The following FAM120B variants were observed in gnomAD, a reference collection of about 807,000 sequenced individuals.
FAM120B encodes the protein constitutive coactivator of peroxisome proliferator-activated receptor gamma.
Under a neutral mutation model 96.3 loss-of-function variants are expected in FAM120B, and 83 were observed. That is an observed-to-expected ratio of 0.86 (90% CI 0.72 to 1.03). FAM120B has a LOEUF of 1.03. FAM120B is among the 50% of genes least tolerant of loss of function. FAM120B has a pLI of 0.00. For synonymous variants in FAM120B, 407 were observed against 402.7 expected (o/e 1.01, Z -0.13); for missense variants, 1,027 against 1,121.2 (o/e 0.92, Z 1.20).
chr6:170,364,249 G>A (rs1452489658), intron 6 of FAM120B, among the ~76,000 whole-genome samples: 3 of 152,118 alleles, frequency 2.0e-5, no homozygotes. Flanking sequence ...TTGAGCCTGC[G>A]ATGTCCCTTT....
chr6:170,322,992 A>G (rs1785390601), intron 2 of FAM120B, 87 bp from the exon 3 acceptor site: 1 of 1,134,636 alleles, frequency 8.8e-7, no homozygotes, highest in Non-Finnish European at 1.2e-6. Context: ...AAAAACTGGC[A>G]TATGATGAAA....
At chr6:170,346,565 GTC>G (rs778292522) in intron 4 of FAM120B, among the ~76,000 whole-genome samples, 1 of 152,162 alleles carries the variant, frequency 6.6e-6, no homozygotes, top group Non-Finnish European at 1.5e-5. Context: ...AGGCCACATG[GTC>G]TCTGTTACTT....
upstream of FAM120B, among the ~76,000 whole-genome samples, chr6:170,292,939 C>T (rs1484905382): frequency 6.6e-6 from 1 of 152,192 alleles, no homozygotes; most frequent in East Asian, 1.9e-4. The surrounding 1 kb of genome is among the most constrained non-coding windows in gnomAD (Gnocchi z 6.6). Context: ...CGTGAACCCC[C>T]TACTGTTTGG....
chr6:170,374,037 A>T (rs570658149), intron 6 of FAM120B, among the ~76,000 whole-genome samples: 1 of 152,168 alleles, frequency 6.6e-6, no homozygotes, highest in African/African-American at 2.4e-5. Context: ...TTCTACCTGG[A>T]TTTTTTACCC....
At chr6:170,375,333 CTG>C (rs1312422988) in intron 6 of FAM120B, among the ~76,000 whole-genome samples, 8 of 152,216 alleles carry the variant, frequency 5.3e-5, no homozygotes, top group Admixed American at 1.3e-4. Flanking sequence ...TGGAAACTGA[CTG>C]TTGGCAAAAC....
In FAM120B at chr6:170,363,776, T is replaced by G. The variant is rs1021542110; in HGVS notation, c.2283+5458T>G. The stretch of plus-strand genomic sequence containing the variant: ...TTATTAAACATCATGTTTTATTTTG[T>G]TTTTTTTAGACAGAGTCTCACCCTG... On this transcript the variant is annotated intron_variant, in intron 6 of 10. Coordinates refer to ENST00000476287, the MANE Select transcript of FAM120B (RefSeq NM_032448.3). This position sits in a 1 kb window ranked among gnomAD's most constrained non-coding sequence, Gnocchi z 4.5. Among the ~76,000 whole-genome samples, 9 of 151,402 alleles carry G rather than the reference T, an allele frequency of 5.9e-5. No individual in the cohort carries two copies. The highest frequency in any genetic ancestry group is 1.7e-4 in the African/African-American group (7 of 41,354).
intron 6 of FAM120B, among the ~76,000 whole-genome samples, chr6:170,378,426 C>T (rs1789705689): frequency 6.6e-6 from 1 of 152,208 alleles, no homozygotes; most frequent in Admixed American, 6.5e-5. Flanking sequence ...TTCACCATCA[C>T]CCCTCCCTGA....
intron 2 of FAM120B, among the ~76,000 whole-genome samples, chr6:170,320,670 C>T (rs7742195): frequency 3.3e-5 from 5 of 152,210 alleles, no homozygotes; most frequent in East Asian, 3.9e-4. Context: ...CACATGTTCT[C>T]GTAGTGAAAT....
At position 170,405,229 on chromosome 6, in the gene FAM120B, T is replaced by TA. The variant is rs1778765323; in HGVS notation, c.*479dup. ...CCTGAGACTGGATAGTATGGAATCC[T>TA]ACATATCTATACCTTGGCTTTTTCC... On this transcript the variant is annotated 3_prime_UTR_variant, in exon 11 of 11. Transcript: ENST00000476287. The TA allele has an allele frequency of 6.6e-6, 1 of 152,474 alleles. No individual in the cohort carries two copies. Among genetic ancestry groups the TA allele is most frequent in the African/African-American group, 2.4e-5 (1 of 41,462 alleles). 9.4% of individuals were successfully genotyped at this position (152,474 alleles called of 1,614,324 possible).
rs2115140999 is a variant in FAM120B at position 170,348,281 on chromosome 6, A to G, written c.2148A>G (p.Pro716=). The G allele has an allele frequency of 6.2e-7, 1 of 1,613,744 alleles. No individual in the cohort carries two copies. The highest frequency in any genetic ancestry group is 8.5e-7 in the Non-Finnish European group (1 of 1,179,900). The change falls in exon 5 of 11, where the codon CCA becomes CCG. Residue 716 remains proline (P), a synonymous_variant. Coordinates refer to ENST00000476287, the MANE Select transcript of FAM120B (RefSeq NM_032448.3). ...AAGAGCTGCAGGCTGTCGAAAGCCC[A>G]TTTCAAGCTTTGTGCTGCCTCTTGA... ...SREELQAVES[P]FQALCCLLIY... is the part of the protein sequence containing the mutation.
At chr6:170,342,561 C>T (rs868791835) in intron 4 of FAM120B, among the ~76,000 whole-genome samples, 1 of 152,204 alleles carries the variant, frequency 6.6e-6, no homozygotes, top group Admixed American at 6.5e-5. Context: ...ACAACTCTCC[C>T]CCAGGGGCCA....
chr6:170,311,527 C>T (rs1020717893), intron 1 of FAM120B, among the ~76,000 whole-genome samples: 10 of 152,370 alleles, frequency 6.6e-5, no homozygotes, highest in African/African-American at 2.4e-4. Context: ...CTCATGCCTT[C>T]CTCTGGCCAC....
intron 4 of FAM120B, among the ~76,000 whole-genome samples, chr6:170,333,265 C>T (rs1006412064): frequency 2.1e-5 from 3 of 145,454 alleles, no homozygotes; most frequent in African/African-American, 5.1e-5. Flanking sequence ...AGATGGGATT[C>T]CTGCCCTTAT....
intron 3 of FAM120B, among the ~76,000 whole-genome samples, chr6:170,328,753 C>T (rs1464278681): frequency 6.6e-6 from 1 of 152,178 alleles, no homozygotes; most frequent in East Asian, 1.9e-4. Flanking sequence ...CATTTGTTGA[C>T]TTCCTCCTAC....
chr6:170,400,843 G>T (rs539378720), intron 9 of FAM120B, among the ~76,000 whole-genome samples: 1 of 152,306 alleles, frequency 6.6e-6, no homozygotes, highest in Admixed American at 6.5e-5. Context: ...GGCCTGGCGG[G>T]AGCAGAGCCA....
At chr6:170,393,022 C>T (rs1562596197) in intron 8 of FAM120B, among the ~76,000 whole-genome samples, 1 of 152,068 alleles carries the variant, frequency 6.6e-6, no homozygotes, top group Admixed American at 6.6e-5. Flanking sequence ...AGTAGGTCCT[C>T]AGAAGTTTGC....
At position 170,317,794 on chromosome 6, in the gene FAM120B, C is replaced by T; in HGVS notation, c.404C>T (p.Ser135Leu). ...QPGRNMFFIP[S>L]GLAVFTRFAL... ...GGCAGAAATATGTTCTTCATCCCCTCAGGGCTAGCTGTGTTTACACGATTT... is the reference window on the plus strand; with the variant it reads ...GGCAGAAATATGTTCTTCATCCCCTTAGGGCTAGCTGTGTTTACACGATTT... Residue 135 changes from serine (S) to leucine (L), a missense_variant, in exon 2 of 11, where the codon TCA becomes TTA. By Grantham distance (145) the Ser-to-Leu change is moderately radical. Around this residue, in one of 3 missense-constraint regions of FAM120B, gnomAD observed 880 missense variants for 980.9 expected, o/e 0.90. Transcript: ENST00000476287. 6.2e-7 allele frequency: 1 copy of T among 1,614,208 alleles called. No individual in the cohort carries two copies. The highest frequency in any genetic ancestry group is 8.5e-7 in the Non-Finnish European group (1 of 1,180,044).
At chr6:170,319,275 T>C in intron 2 of FAM120B, 151 bp downstream of exon 2, 1 of 709,220 alleles carries the variant, frequency 1.4e-6, no homozygotes, top group Non-Finnish European at 2.3e-6. Context: ...TGACGTTATA[T>C]GTGTGGAAAC....
intron 9 of FAM120B, among the ~76,000 whole-genome samples, chr6:170,398,836 C>G (rs1778365438): frequency 6.6e-6 from 1 of 150,742 alleles, no homozygotes; most frequent in Non-Finnish European, 1.5e-5. Flanking sequence ...GAAGGTAGAA[C>G]TATGTCATAA....
Sources: gnomAD v4.1 joint callset for allele counts (sites outside exome capture counted in the v4.1 genomes callset) on GRCh38, gnomAD v4.1.1 for gene constraint, gnomAD v4.1.1 regional missense constraint, Gnocchi (gnomAD v3.1) non-coding constraint, MANE v1.5 for transcripts, NCBI Gene and HGNC (gene_info 2026-07-23, HGNC 2026-07-21) for gene names.